The following PCDH9 variants were observed in gnomAD, a reference collection of about 807,000 sequenced individuals.
PCDH9 encodes the protein protocadherin-9.
PCDH9 carries 24 observed loss-of-function variants against 70.6 expected under a neutral mutation model. That is an observed-to-expected ratio of 0.34 (90% CI 0.25 to 0.48). PCDH9 has a LOEUF of 0.48. Ranked by LOEUF, PCDH9 falls within the 20% of genes least tolerant of loss-of-function variation. PCDH9 has a pLI of 0.99. For synonymous variants in PCDH9, 562 were observed against 558.5 expected (o/e 1.01, Z -0.09); for missense variants, 1,281 against 1,503.6 (o/e 0.85, Z 2.45).
intron 3 of PCDH9, among the ~76,000 whole-genome samples, chr13:66,644,149 C>T (rs913180092): frequency 2.0e-5 from 3 of 151,666 alleles, no homozygotes; most frequent in Non-Finnish European, 4.4e-5. Flanking sequence ...TTAGAGTCAA[C>T]AATTGCTTAA....
At chr13:67,220,968 A>G (rs1399143693) in intron 2 of PCDH9, 1 of 152,064 alleles carries the variant, frequency 6.6e-6, no homozygotes, top group East Asian at 1.9e-4. Flanking sequence ...TCATTTCAAA[A>G]ATCTGTGTTA....
chr13:66,567,340 G>A (rs2076668293), intron 4 of PCDH9, among the ~76,000 whole-genome samples: 1 of 152,100 alleles, frequency 6.6e-6, no homozygotes, highest in Admixed American at 6.6e-5. Context: ...TGGGGATGGA[G>A]CTTTTAAAGG....
chr13:66,646,673 T>A (rs1381045589), intron 3 of PCDH9, among the ~76,000 whole-genome samples: 1 of 152,136 alleles, frequency 6.6e-6, no homozygotes, highest in Non-Finnish European at 1.5e-5. Flanking sequence ...TCACCAATCG[T>A]CTTCTACACA....
intron 3 of PCDH9, among the ~76,000 whole-genome samples, chr13:66,894,111 T>C (rs1243884486): frequency 2.0e-5 from 3 of 152,174 alleles, no homozygotes; most frequent in African/African-American, 7.2e-5. Context: ...TTCTCTCTCA[T>C]GCATAAGATT....
chr13:66,556,409 T>C (rs1046624972), intron 4 of PCDH9, among the ~76,000 whole-genome samples: 17 of 152,142 alleles, frequency 1.1e-4, no homozygotes, highest in African/African-American at 4.1e-4. Flanking sequence ...TTCTAGGTCA[T>C]CTCAGCTGAG....
At chr13:66,959,306 A>T (rs953664614) in intron 2 of PCDH9, among the ~76,000 whole-genome samples, 5 of 152,238 alleles carry the variant, frequency 3.3e-5, no homozygotes, top group African/African-American at 1.2e-4. Context: ...AAAAAATAAC[A>T]AACAACATTC....
chr13:66,345,338 T>C (rs1956196047), intron 4 of PCDH9, among the ~76,000 whole-genome samples: 1 of 152,162 alleles, frequency 6.6e-6, no homozygotes, highest in South Asian at 2.1e-4. Flanking sequence ...CTCATTTTAC[T>C]CCAAAGGGCA....
At chr13:67,121,959 T>C (rs1594540658) in intron 2 of PCDH9, among the ~76,000 whole-genome samples, 1 of 152,344 alleles carries the variant, frequency 6.6e-6, no homozygotes, top group East Asian at 1.9e-4. Flanking sequence ...CACATATCTA[T>C]TTTAAAGTGG....
chr13:66,970,444 C>G (rs931602451), intron 2 of PCDH9, among the ~76,000 whole-genome samples: 1 of 151,518 alleles, frequency 6.6e-6, no homozygotes, highest in African/African-American at 2.4e-5. Context: ...GCATAGGTAA[C>G]ATAGCAAGAA....
intron 2 of PCDH9, among the ~76,000 whole-genome samples, chr13:67,056,100 G>A (rs1422437402): frequency 2.6e-5 from 4 of 152,146 alleles, no homozygotes; most frequent in African/African-American, 9.7e-5. Context: ...TATTTTAAAA[G>A]GTGAAGTTGC....
chr13:67,089,430 C>T (rs1032053442), intron 2 of PCDH9, among the ~76,000 whole-genome samples: 4 of 151,948 alleles, frequency 2.6e-5, no homozygotes, highest in African/African-American at 9.7e-5. Flanking sequence ...GATCCAAAGG[C>T]TACAGACAAG....
At chr13:66,697,646 C>T (rs943267821) in intron 3 of PCDH9, among the ~76,000 whole-genome samples, 3 of 152,134 alleles carry the variant, frequency 2.0e-5, no homozygotes, top group African/African-American at 7.2e-5. Context: ...GCATCCCTGG[C>T]TTCTACCCAC....
rs141172199 is a variant in PCDH9 at position 67,135,792 on chromosome 13, G to A, written c.3036+89613C>T. ...CATTTGCAAAGTGAAGAGAGGTGCT[G>A]GCATGTTTTTCTTTCAGATTTTTTC... is the stretch of plus-strand genomic sequence containing the variant. On this transcript the variant is annotated intron_variant, in intron 2 of 4. Transcript: ENST00000377865. Among the ~76,000 whole-genome samples the A allele has an allele frequency of 6.4e-3, 974 of 152,168 alleles. 5 individuals carry two copies. Among genetic ancestry groups the A allele is most frequent in the Non-Finnish European group, 0.01 (680 of 67,984 alleles).
At position 66,997,001 on chromosome 13, in the gene PCDH9, A is replaced by T. The variant is rs141188483; in HGVS notation, c.3037-93396T>A. Among the ~76,000 whole-genome samples, 554 of 152,314 alleles carry T rather than the reference A, an allele frequency of 3.6e-3. 5 individuals are homozygous for T. Among genetic ancestry groups the T allele is most frequent in the African/African-American group, 0.013 (535 of 41,560 alleles). ...ATATGAAAGACACTGGAAATGTGGG[A>T]GGTGATTATTAGACTCCTAAATACC... On this transcript the variant is annotated intron_variant, in intron 2 of 4. Transcript: ENST00000377865.
intron 4 of PCDH9, among the ~76,000 whole-genome samples, chr13:66,575,116 T>G (rs974918367): frequency 6.7e-6 from 1 of 150,076 alleles, no homozygotes; most frequent in Non-Finnish European, 1.5e-5. Flanking sequence ...GAGGTTGTGG[T>G]GAGCCGAGAT....
chr13:66,523,641 G>C (rs1276267824), intron 4 of PCDH9, among the ~76,000 whole-genome samples: 2 of 151,824 alleles, frequency 1.3e-5, no homozygotes, highest in Admixed American at 6.6e-5. Flanking sequence ...GCATATACAG[G>C]CTGCTCTGTA....
chr13:66,836,443 G>A (rs1395438125), intron 3 of PCDH9, among the ~76,000 whole-genome samples: 1 of 151,802 alleles, frequency 6.6e-6, no homozygotes, highest in Non-Finnish European at 1.5e-5. Context: ...CTGATACCTA[G>A]TCTTATCTGC....
intron 2 of PCDH9, among the ~76,000 whole-genome samples, chr13:67,102,969 C>T (rs2086464446): frequency 6.6e-6 from 1 of 151,958 alleles, no homozygotes; most frequent in African/African-American, 2.4e-5. Context: ...AGGTCAATAA[C>T]ACATTAAAAT....
At chr13:66,416,033 T>C (rs1225753807) in intron 4 of PCDH9, among the ~76,000 whole-genome samples, 1 of 152,216 alleles carries the variant, frequency 6.6e-6, no homozygotes, top group East Asian at 1.9e-4. Context: ...TTAACAGATG[T>C]GAAGCCAGAG....
Sources: allele counts gnomAD v4.1 joint callset (sites outside exome capture counted in the v4.1 genomes callset), GRCh38; gene constraint gnomAD v4.1.1; transcripts MANE v1.5; gene names NCBI Gene and HGNC (gene_info 2026-07-23, HGNC 2026-07-21).